Variants in C8orf34 observed in about 807,000 individuals in gnomAD.
C8orf34 encodes the protein chromosome 8 open reading frame 34.
In C8orf34, 65 loss-of-function variants were observed where a neutral mutation model predicts 68.3. The observed-to-expected ratio is 0.95, with a 90% CI of 0.78 to 1.17. The LOEUF (loss-of-function observed/expected upper bound fraction) is 1.17. Among genes scored for constraint, C8orf34 ranks in the 50% most tolerant of loss-of-function variants. The pLI is 0.00. For synonymous variants in C8orf34, 244 were observed against 241.2 expected, an observed-to-expected ratio of 1.01 and a Z score of -0.11; for missense variants, 664 against 655.4, an observed-to-expected ratio of 1.01 and a Z score of -0.14.
intron 1 of C8orf34, among the ~76,000 whole-genome samples, chr8:68,421,929 T>A (rs1389037227): frequency 6.6e-6 from 1 of 152,106 alleles, no homozygotes; most frequent in Non-Finnish European, 1.5e-5. Flanking sequence ...ACAGGGGAAA[T>A]GGCAGATGCT....
intron 8 of C8orf34, among the ~76,000 whole-genome samples, chr8:68,703,222 C>T (rs1362817803): frequency 6.6e-6 from 1 of 152,158 alleles, no homozygotes; most frequent in Non-Finnish European, 1.5e-5. Flanking sequence ...TGGATACAAA[C>T]TTTCATTGCC....
chr8:68,708,461 A>G (rs9987198), intron 8 of C8orf34, among the ~76,000 whole-genome samples: 15,818 of 152,242 alleles, frequency 0.1, 1,463 homozygotes, highest in African/African-American at 0.25. Context: ...TCTCTCCTGA[A>G]GAAGGCTCAG....
rs547376576 is a variant in C8orf34, at chr8:68,496,932, A to T, written c.765+8881A>T. 3.3e-4 allele frequency among the ~76,000 whole-genome samples: 50 copies of T among 152,290 alleles called. No individual in the cohort carries two copies. In the South Asian group the frequency reaches 9.9e-3, roughly 30 times the overall value. ...GAAAATATCTGTAGAGCTGCTTTAT[A>T]TGCTATGTTGGTCGTATGTTTGATG... On this transcript the variant is annotated intron_variant, in intron 5 of 13. Coordinates refer to ENST00000518698, the MANE Select transcript of C8orf34 (RefSeq NM_052958.4).
chr8:68,424,049 A>T (rs1404996892), intron 1 of C8orf34, among the ~76,000 whole-genome samples: 1 of 152,114 alleles, frequency 6.6e-6, no homozygotes, highest in Non-Finnish European at 1.5e-5. Context: ...GAGCCACACC[A>T]TATCACCTGT....
At chr8:68,343,625 G>T (rs946699810) in intron 1 of C8orf34, among the ~76,000 whole-genome samples, 3 of 146,004 alleles carry the variant, frequency 2.1e-5, no homozygotes, top group Non-Finnish European at 4.5e-5. Context: ...ACAGAGTCTC[G>T]CTCTGCCGCC....
At chr8:68,558,065 C>A (rs980268980) in intron 7 of C8orf34, among the ~76,000 whole-genome samples, 1 of 152,160 alleles carries the variant, frequency 6.6e-6, no homozygotes, top group Non-Finnish European at 1.5e-5. Context: ...GATGCTCAAA[C>A]GCCTGTGGTT....
chr8:68,813,107 C>T (rs1490388190), intron 12 of C8orf34, among the ~76,000 whole-genome samples: 1 of 152,140 alleles, frequency 6.6e-6, no homozygotes, highest in Non-Finnish European at 1.5e-5. Flanking sequence ...TGGCGTTATC[C>T]TCAAGAAGAA....
At chr8:68,715,608 G>A (rs1821448718) in intron 9 of C8orf34, among the ~76,000 whole-genome samples, 1 of 151,116 alleles carries the variant, frequency 6.6e-6, no homozygotes, top group African/African-American at 2.4e-5. Flanking sequence ...CCTCACTCCT[G>A]CAACAATGGC....
At chr8:68,795,193 C>A (rs755277435) in intron 12 of C8orf34, among the ~76,000 whole-genome samples, 2 of 152,076 alleles carry the variant, frequency 1.3e-5, no homozygotes, top group African/African-American at 4.8e-5. Flanking sequence ...GGTGACCCAT[C>A]ATTCTCATAC....
intron 8 of C8orf34, among the ~76,000 whole-genome samples, chr8:68,644,273 G>A (rs969073746): frequency 2.0e-5 from 3 of 152,102 alleles, no homozygotes; most frequent in African/African-American, 4.8e-5. Flanking sequence ...TAGGGGAGAG[G>A]GAATGATTTT....
chr8:68,511,303 T>C (rs1003955685), intron 5 of C8orf34, among the ~76,000 whole-genome samples: 1 of 152,194 alleles, frequency 6.6e-6, no homozygotes, highest in Non-Finnish European at 1.5e-5. Flanking sequence ...GGGGTTTTTA[T>C]TCCTGATGCA....
chr8:68,642,705 G>C (rs1368206685), intron 8 of C8orf34, among the ~76,000 whole-genome samples: 1 of 152,198 alleles, frequency 6.6e-6, no homozygotes, highest in Non-Finnish European at 1.5e-5. Context: ...TAGCACTCCT[G>C]TGTGTTGCTC....
chr8:68,662,756 G>C (rs1386583060), intron 8 of C8orf34, among the ~76,000 whole-genome samples: 3 of 152,184 alleles, frequency 2.0e-5, no homozygotes, highest in Non-Finnish European at 4.4e-5. Context: ...GAACTTCATA[G>C]GAATCCCCTT....
At chr8:68,648,562 C>T (rs967280625) in intron 8 of C8orf34, among the ~76,000 whole-genome samples, 2 of 152,186 alleles carry the variant, frequency 1.3e-5, no homozygotes, top group South Asian at 2.1e-4. Context: ...CAGGGCATTC[C>T]GGGTGGTAAG....
At chr8:68,692,536 C>T (rs12676876) in intron 8 of C8orf34, among the ~76,000 whole-genome samples, 107,312 of 151,758 alleles carry the variant, frequency 0.71, 37,966 homozygotes, top group African/African-American at 0.76. Flanking sequence ...CAAAGAATGA[C>T]ACATTTATTA....
rs1469491114 is a variant in C8orf34 at position 68,630,943 on chromosome 8, C to G, written c.1106-9433C>G. 1.9e-4 allele frequency among the ~76,000 whole-genome samples: 18 copies of G among 96,402 alleles called. No homozygotes were observed. The Admixed American group carries it at 1.9e-3, about 10-fold the overall frequency. 63.2% of individuals were successfully genotyped at this position (96,402 alleles called of 152,430 possible). On this transcript the variant is annotated intron_variant, in intron 7 of 13. Coordinates refer to ENST00000518698, the MANE Select transcript of C8orf34 (RefSeq NM_052958.4). Reference sequence around the variant, plus strand: ...CACAGGCATGCCCCAACATGCCCAGCTATTTTTTTTTTTTTTTTTTTTTTA... The same window carrying G: ...CACAGGCATGCCCCAACATGCCCAGGTATTTTTTTTTTTTTTTTTTTTTTA...
intron 7 of C8orf34, among the ~76,000 whole-genome samples, chr8:68,598,145 ACT>A (rs1817599661): frequency 6.6e-6 from 1 of 152,156 alleles, no homozygotes; most frequent in East Asian, 1.9e-4. Flanking sequence ...ACAATGCCTT[ACT>A]AGTGACAATC....
Position 68,783,705 on chromosome 8 carries a change from A to G in C8orf34, c.1456-3738A>G, listed in dbSNP as rs140067548. Among the ~76,000 whole-genome samples, 1,233 of 152,034 alleles carry G rather than the reference A, an allele frequency of 8.1e-3. 13 individuals carry two copies. The highest frequency in any genetic ancestry group is 0.029 in the African/African-American group (1,186 of 41,464). ...CGGAACCAATGTACTTCTTACATAT[A>G]TTGATTGATGTCTCATGTCTCCCTA... On this transcript the variant is annotated intron_variant, in intron 11 of 13. Transcript: ENST00000518698.
chr8:68,437,894 C>G (rs1161998438), intron 1 of C8orf34: 1 of 152,112 alleles, frequency 6.6e-6, no homozygotes, highest in Non-Finnish European at 1.5e-5. Context: ...TTGTTATCTG[C>G]AAAATCCATT....
Sources: allele counts gnomAD v4.1 joint callset (sites outside exome capture counted in the v4.1 genomes callset), GRCh38; gene constraint gnomAD v4.1.1; transcripts MANE v1.5; gene names NCBI Gene and HGNC (gene_info 2026-07-23, HGNC 2026-07-21).